The following GAPVD1 variants were observed in gnomAD, a reference collection of about 807,000 sequenced individuals.
GAPVD1 encodes GTPase-activating protein and VPS9 domain-containing protein 1.
GAPVD1 carries 35 observed loss-of-function variants against 155.5 expected under a neutral mutation model. The ratio of observed to expected loss-of-function variants is 0.23; its 90% CI spans 0.17 to 0.30. The LOEUF is 0.30. Ranked by LOEUF, GAPVD1 falls within the 10% of genes least tolerant of loss-of-function variation. The pLI is 1.00. For synonymous variants in GAPVD1, 636 were observed against 619.7 expected (o/e 1.03, Z -0.39); for missense variants, 1,429 against 1,775.7 (o/e 0.80, Z 3.51).
chr9:125,361,261 T>A (rs980002041), intron 27 of GAPVD1, among the ~76,000 whole-genome samples: 5 of 151,352 alleles, frequency 3.3e-5, no homozygotes, highest in African/African-American at 1.2e-4. Context: ...GTGCCTAGGT[T>A]GGGCGCGGTG....
chr9:125,321,433 G>T lies in GAPVD1; in HGVS notation c.1603G>T (p.Val535Phe). The T allele has an allele frequency of 6.2e-7, 1 of 1,610,154 alleles. No individual in the cohort carries two copies. The highest frequency in any genetic ancestry group is 8.5e-7 in the Non-Finnish European group (1 of 1,177,436). Residue 535 changes from valine (V) to phenylalanine (F), a missense_variant and splice_region_variant, in exon 10 of 28, where the codon GTC becomes TTC. This residue lies in a region of GAPVD1 where 628 missense variants were observed against 733.4 expected (regional missense o/e 0.86). Transcript: ENST00000297933. ...CCAAAATTGACATTTTATTTTTTAGGTCCTAAACATGCAGCTTTCGGATGG... is the reference window on the plus strand; with the variant it reads ...CCAAAATTGACATTTTATTTTTTAGTTCCTAAACATGCAGCTTTCGGATGG... Reference protein sequence around the residue: ...LTPGMMSENEVLNMQLSDGGQ... With the variant: ...LTPGMMSENEFLNMQLSDGGQ...
chr9:125,300,006 G>C, intron 4 of GAPVD1, among the ~76,000 whole-genome samples: 1 of 88,040 alleles, frequency 1.1e-5, no homozygotes, highest in Non-Finnish European at 2.1e-5. Context: ...GTGACAGAGT[G>C]AGACTCTGTC....
intron 25 of GAPVD1, among the ~76,000 whole-genome samples, chr9:125,356,287 A>G (rs1000754461): frequency 1.3e-5 from 2 of 152,114 alleles, no homozygotes; most frequent in African/African-American, 2.4e-5. Context: ...TGTTTGAGTC[A>G]TGGTTTCTGA....
chr9:125,293,831 A>AAAATATATTT (rs1839129204), intron 2 of GAPVD1, among the ~76,000 whole-genome samples: 1 of 119,148 alleles, frequency 8.4e-6, no homozygotes. Context: ...ATATAAAAAA[A>AAAATATATTT]TATATATATA....
intron 23 of GAPVD1, 101 bp from the exon 24 acceptor site, chr9:125,354,553 T>G: frequency 1.4e-6 from 1 of 715,194 alleles, no homozygotes; most frequent in Non-Finnish European, 2.4e-6. Flanking sequence ...GTAAAACCAG[T>G]CTGTGCAGTA....
At position 125,362,609 on chromosome 9, in the gene GAPVD1, A is replaced by G. The variant is rs1249954407; in HGVS notation, c.4246A>G (p.Asn1416Asp). The G allele has an allele frequency of 6.3e-7, 1 of 1,599,842 alleles. No homozygotes were observed. The highest frequency in any genetic ancestry group is 8.5e-7 in the Non-Finnish European group (1 of 1,173,880). ...TTTTTATTTTTCACTTCTCTAGGCA[A>G]ATCCACCCTGTTTGCTGTCTACTGT... ...PVLVFVLIKA[N>D]PPCLLSTVQY... The change falls in exon 28 of 28, where the codon AAT (asparagine) becomes GAT (aspartate). Residue 1416 changes from asparagine to aspartate, a missense_variant. Around this residue, in one of 4 missense-constraint regions of GAPVD1, gnomAD observed 102 missense variants for 196.5 expected, o/e 0.52. Transcript: ENST00000297933.
chr9:125,303,647 A>AT (rs1841306861), intron 5 of GAPVD1, among the ~76,000 whole-genome samples: 2 of 151,934 alleles, frequency 1.3e-5, no homozygotes, highest in Admixed American at 1.3e-4. Context: ...GTGGTGTCAC[A>AT]TGCCTGTAAT....
intron 2 of GAPVD1, among the ~76,000 whole-genome samples, chr9:125,276,872 T>TC (rs1835877556): frequency 6.6e-6 from 1 of 152,092 alleles, no homozygotes; most frequent in African/African-American, 2.4e-5. Context: ...AGTGTTCTCA[T>TC]ATCAGCCTCC....
chr9:125,338,609 G>A (rs1847368592), intron 17 of GAPVD1, among the ~76,000 whole-genome samples: 1 of 152,140 alleles, frequency 6.6e-6, no homozygotes, highest in Admixed American at 6.6e-5. Flanking sequence ...AGGTTAGGTT[G>A]TTTGATGTTT....
chr9:125,328,824 A>G lies in GAPVD1; in HGVS notation c.2033-1254A>G, dbSNP rs866119469. 3.8e-3 allele frequency among the ~76,000 whole-genome samples: 390 copies of G among 103,512 alleles called. 3 individuals carry two copies. Among genetic ancestry groups the G allele is most frequent in the African/African-American group, 0.021 (345 of 16,488 alleles). The allele number at this position is 103,512 out of a possible 152,430, so 67.9% of individuals were successfully genotyped here. On this transcript the variant is annotated intron_variant, in intron 12 of 27. Coordinates refer to ENST00000297933, the MANE Select transcript of GAPVD1 (RefSeq NM_001282680.3). ...TCCCGGACGAGGCGGCTGGCCGGGCAGGGGGCTGACCCCCCCCCCACCTCC... is the reference window on the plus strand; with the variant it reads ...TCCCGGACGAGGCGGCTGGCCGGGCGGGGGGCTGACCCCCCCCCCACCTCC...
chr9:125,354,307 T>G (rs145086415), intron 23 of GAPVD1, among the ~76,000 whole-genome samples: 15 of 152,304 alleles, frequency 9.8e-5, no homozygotes, highest in African/African-American at 2.9e-4. Flanking sequence ...GCTGTCAATT[T>G]CCTATTAAGT....
intron 23 of GAPVD1, 118 bp from the exon 24 acceptor site, chr9:125,354,536 C>G: frequency 1.5e-6 from 1 of 648,298 alleles, no homozygotes; most frequent in Non-Finnish European, 2.7e-6. Flanking sequence ...CACAGACATG[C>G]TACTTTGTAA....
chr9:125,354,439 G>A (rs1459648094), intron 23 of GAPVD1, among the ~76,000 whole-genome samples: 1 of 152,170 alleles, frequency 6.6e-6, no homozygotes, highest in Admixed American at 6.5e-5. Flanking sequence ...TGCAAAATGG[G>A]TGTCTGTTCT....
rs1266805288 is a variant in GAPVD1, at chr9:125,295,555, C to G, written c.-52C>G. The G allele has an allele frequency of 1.3e-5, 2 of 151,598 alleles. No individual in the cohort carries two copies. The highest frequency in any genetic ancestry group is 2.4e-5 in the African/African-American group (1 of 41,208). 9.4% of individuals were successfully genotyped at this position (151,598 alleles called of 1,614,324 possible). A position where few individuals can be genotyped will look rare whatever the true frequency, so the allele number is the denominator to read the frequency against. On this transcript the variant is annotated 5_prime_UTR_variant, in exon 3 of 28. Transcript: ENST00000297933. ...TCAAGCGATCCTCCCATCTGACCCT[C>G]CCAAGTAGCTGGCATTCAGGTATGC...
chr9:125,321,768 A>G (rs184460321), intron 10 of GAPVD1, among the ~76,000 whole-genome samples: 1 of 152,358 alleles, frequency 6.6e-6, no homozygotes, highest in African/African-American at 2.4e-5. Context: ...TTGGTCATAT[A>G]AAATGGAGAA....
At chr9:125,331,421 G>A (rs565005564) in intron 13 of GAPVD1, among the ~76,000 whole-genome samples, 48 of 152,170 alleles carry the variant, frequency 3.2e-4, no homozygotes, top group African/African-American at 8.2e-4. Context: ...TGCTGGTCTC[G>A]AACTCCTGAC....
chr9:125,277,948 G>A (rs186077367), intron 2 of GAPVD1, among the ~76,000 whole-genome samples: 5 of 152,182 alleles, frequency 3.3e-5, no homozygotes, highest in East Asian at 1.9e-4. Context: ...GATTATAAGC[G>A]TGAGCCACTG....
chr9:125,301,980 T>C lies in GAPVD1; in HGVS notation c.186-3T>C, dbSNP rs758430248. On this transcript the variant is annotated splice_region_variant and splice_polypyrimidine_tract_variant and intron_variant, in intron 4 of 27. Coordinates refer to ENST00000297933, the MANE Select transcript of GAPVD1 (RefSeq NM_001282680.3). ...TGTTTGCTCTTTTTTTTTTTTTTTT[T>C]AGTGCTGAAGCTTCCCCTGCTGAAT... is the stretch of plus-strand genomic sequence containing the variant. The C allele has an allele frequency of 2.0e-6, 3 of 1,529,840 alleles. No homozygotes were observed. The highest frequency in any genetic ancestry group is 2.6e-6 in the Non-Finnish European group (3 of 1,144,446). The allele number at this position is 1,529,840 out of a possible 1,614,324, so 94.8% of individuals were successfully genotyped here.
chr9:125,319,755 C>T (rs1464091740), intron 9 of GAPVD1, among the ~76,000 whole-genome samples: 1 of 152,002 alleles, frequency 6.6e-6, no homozygotes, highest in Non-Finnish European at 1.5e-5. Flanking sequence ...GCGTACACCA[C>T]CACACCTGGT....
Sources: gnomAD v4.1 joint callset for allele counts (sites outside exome capture counted in the v4.1 genomes callset) on GRCh38, gnomAD v4.1.1 for gene constraint, gnomAD v4.1.1 regional missense constraint, MANE v1.5 for transcripts, NCBI Gene and HGNC (gene_info 2026-07-23, HGNC 2026-07-21) for gene names.